Variants in GPR157 observed in about 807,000 individuals in gnomAD.
GPR157 encodes G protein-coupled receptor 157.
GPR157 carries 16 observed loss-of-function variants against 23.5 expected under a neutral mutation model. That is an observed-to-expected ratio of 0.68 (90% CI 0.46 to 1.04). The LOEUF is 1.04. Among genes scored for constraint, GPR157 ranks in the 50% least tolerant of loss-of-function variants. GPR157 has a pLI of 0.00. For synonymous variants in GPR157, 200 were observed against 221.5 expected (o/e 0.90, Z 0.86); for missense variants, 440 against 460.7 (o/e 0.96, Z 0.41).
chr1:9,123,571 T>TTAAAATATATATATTTAATA (rs1638884986), intron 1 of GPR157, among the ~76,000 whole-genome samples: 72 of 19,678 alleles, frequency 3.7e-3, no homozygotes, highest in Non-Finnish European at 4.4e-3. Flanking sequence ...TTAAATATAT[T>TTAAAATATATATATTTAATA]TTAAATATAT....
chr1:9,123,659 A>AAATATATATTT (rs1638893749), intron 1 of GPR157, among the ~76,000 whole-genome samples: 1 of 109,176 alleles, frequency 9.2e-6, no homozygotes, highest in South Asian at 2.6e-4. Flanking sequence ...AATATATATT[A>AAATATATATTT]AATATATATT....
At chr1:9,104,961 C>G (rs534200830) in intron 3 of GPR157, among the ~76,000 whole-genome samples, 45 of 151,512 alleles carry the variant, frequency 3.0e-4, no homozygotes, top group African/African-American at 1.1e-3. Context: ...GATCCCACCA[C>G]TGCACTCCAA....
rs762291667 is a variant in GPR157, at chr1:9,104,628, C to A, written c.799G>T (p.Gly267Trp). Residue 267 changes from glycine (G) to tryptophan (W), a missense_variant, in exon 4 of 4, where the codon GGG becomes TGG. Coordinates refer to ENST00000377411, the MANE Select transcript of GPR157 (RefSeq NM_024980.5). ...TTGGCACCTCCCTGAAACGTGTTCC[C>A]GATACCCTGTCGGGAGAAAAGGAGC... is the stretch of plus-strand genomic sequence containing the variant. ...TPVLVVLHGI[G>W]NTFQGGANCI... is the part of the protein sequence containing the mutation. 3 of 1,598,620 alleles carry A rather than the reference C, an allele frequency of 1.9e-6. No individual in the cohort carries two copies. The highest frequency in any genetic ancestry group is 2.3e-5 in the East Asian group (1 of 44,314).
intron 1 of GPR157, among the ~76,000 whole-genome samples, chr1:9,116,202 T>TATATTTATATTATATATTATATATATA (rs1553175052): frequency 6.4e-5 from 1 of 15,682 alleles, no homozygotes; most frequent in Non-Finnish European, 8.9e-5. Flanking sequence ...TATAATTATA[T>TATATTTATATTATATATTATATATATA]ATATAATTAT....
rs1186771127 is a variant in GPR157 at position 9,104,068 on chromosome 1, C to T, written c.*351G>A. The T allele has an allele frequency of 8.2e-6, 2 of 244,906 alleles. No individual in the cohort carries two copies. The highest frequency in any genetic ancestry group is 9.7e-5 in the Admixed American group (2 of 20,604). The allele number at this position is 244,906 out of a possible 1,614,324, so 15.2% of individuals were successfully genotyped here. A position where few individuals can be genotyped will look rare whatever the true frequency, so the allele number is the denominator to read the frequency against. ...AGAGGATAGGTGCACAGATGTGGGT[C>T]CCTCAGATTGTAAACAGTGCTGTGT... On this transcript the variant is annotated 3_prime_UTR_variant, in exon 4 of 4. Coordinates refer to ENST00000377411, the MANE Select transcript of GPR157 (RefSeq NM_024980.5).
intron 1 of GPR157, 127 bp from the exon 2 acceptor site, chr1:9,111,616 G>GGCCCTGGAAAATAAGAAGGGGTAGGTGTT (rs1638499417): frequency 2.9e-6 from 2 of 699,448 alleles, no homozygotes; most frequent in African/African-American, 3.6e-5. Context: ...ATGGCACAGT[G>GGCCCTGGAAAATAAGAAGGGGTAGGTGTT]GCCCTGGAAA....
At chr1:9,127,501 A>C (rs1337103033) in intron 1 of GPR157, among the ~76,000 whole-genome samples, 1 of 152,222 alleles carries the variant, frequency 6.6e-6, no homozygotes, top group Non-Finnish European at 1.5e-5. Context: ...GCTGCCGGGA[A>C]GGCAAGGCAA....
chr1:9,113,672 G>A (rs987200171), intron 1 of GPR157, among the ~76,000 whole-genome samples: 2 of 152,182 alleles, frequency 1.3e-5, no homozygotes, highest in East Asian at 1.9e-4. Context: ...GGCCAGGCGC[G>A]GTGGCTCATG....
At chr1:9,123,081 G>A (rs1170190650) in intron 1 of GPR157, among the ~76,000 whole-genome samples, 1 of 149,708 alleles carries the variant, frequency 6.7e-6, no homozygotes, top group African/African-American at 2.5e-5. Flanking sequence ...ACTTGAACAC[G>A]GGAGGTGGAG....
chr1:9,101,178 G>T lies in GPR157; in HGVS notation c.*3241C>A, dbSNP rs1642561698. ...TTCTCCTGCCTCAGCCTCCTGAGTAGCTGGCACTACAGGCACACGAAACCA... is the reference window on the plus strand; with the variant it reads ...TTCTCCTGCCTCAGCCTCCTGAGTATCTGGCACTACAGGCACACGAAACCA... On this transcript the variant is annotated 3_prime_UTR_variant, in exon 4 of 4. Coordinates refer to ENST00000377411, the MANE Select transcript of GPR157 (RefSeq NM_024980.5). 1 of 151,800 alleles carries T rather than the reference G, an allele frequency of 6.6e-6. No homozygotes were observed. The highest frequency in any genetic ancestry group is 1.5e-5 in the Non-Finnish European group (1 of 68,074). 9.4% of individuals were successfully genotyped at this position (151,800 alleles called of 1,614,324 possible). A position where few individuals can be genotyped will look rare whatever the true frequency, so the allele number is the denominator to read the frequency against.
chr1:9,123,982 C>T (rs919074056), intron 1 of GPR157, among the ~76,000 whole-genome samples: 1 of 151,424 alleles, frequency 6.6e-6, no homozygotes, highest in Admixed American at 6.6e-5. Flanking sequence ...CCGCACACCA[C>T]CACACTCGGC....
chr1:9,123,315 A>AT (rs1557700784), intron 1 of GPR157, among the ~76,000 whole-genome samples: 4 of 27,244 alleles, frequency 1.5e-4, no homozygotes, highest in African/African-American at 3.4e-4. Context: ...TTAAATATAT[A>AT]TTAAAATATA....
chr1:9,126,809 A>T (rs1247248996), intron 1 of GPR157, among the ~76,000 whole-genome samples: 2 of 152,250 alleles, frequency 1.3e-5, no homozygotes, highest in South Asian at 2.1e-4. Flanking sequence ...GGATACAGAT[A>T]ATTTTATTTT....
rs142301285 is a variant in GPR157 at position 9,105,505 on chromosome 1, G to A, written c.773C>T (p.Pro258Leu). 1.8e-4 allele frequency: 282 copies of A among 1,575,390 alleles called. 1 individual carries two copies. The African/African-American group carries it at 2.7e-3, about 15-fold the overall frequency. ...ACCTACATGCAGAACCACCAGCACC[G>A]GCGTCTGCACGGCCGGGGAGCCACA... ...TLCGSPAVQT[P>L]VLVVLHGIGN... The change falls in exon 3 of 4, where the codon CCG becomes CTG. Residue 258 changes from proline (P) to leucine (L), a missense_variant. Physicochemically the swap from Pro to Leu is moderately conservative, Grantham distance 98. Transcript: ENST00000377411. The surrounding 1 kb of genome is among the most constrained non-coding windows in gnomAD (Gnocchi z 4.8).
intron 2 of GPR157, among the ~76,000 whole-genome samples, chr1:9,106,556 G>A (rs1161632117): frequency 6.6e-6 from 1 of 152,230 alleles, no homozygotes; most frequent in Non-Finnish European, 1.5e-5. Context: ...GCTCCGCACT[G>A]GCTGCTCCCT....
rs3737667 is a variant in GPR157, at chr1:9,104,213, G to A, written c.*206C>T. ...TGAACGCCCACCCGTGGGCCAGGAC[G>A]CTGGTACCGGTGGAACTTGCTGCCT... On this transcript the variant is annotated 3_prime_UTR_variant, in exon 4 of 4. Transcript: ENST00000377411. The A allele has an allele frequency of 2.1e-4, 118 of 575,402 alleles. No individual in the cohort carries two copies. In the East Asian group the frequency reaches 3.1e-3, roughly 15 times the overall value. The allele number at this position is 575,402 out of a possible 1,614,324, so 35.6% of individuals were successfully genotyped here. A position where few individuals can be genotyped will look rare whatever the true frequency, so the allele number is the denominator to read the frequency against.
At chr1:9,116,158 A>ATTG (rs1266699622) in intron 1 of GPR157, among the ~76,000 whole-genome samples, 1 of 37,754 alleles carries the variant, frequency 2.6e-5, no homozygotes, top group African/African-American at 1.1e-4. Context: ...TATTATATAT[A>ATTG]TATATAATAT....
chr1:9,113,057 A>G (rs1024845445), intron 1 of GPR157, among the ~76,000 whole-genome samples: 1 of 152,200 alleles, frequency 6.6e-6, no homozygotes, highest in Non-Finnish European at 1.5e-5. Context: ...ACAGGGTGTC[A>G]TTGTCGGGTC....
Position 9,102,427 on chromosome 1 carries a change from A to AG in GPR157, c.*1991_*1992insC, listed in dbSNP as rs1569941626. On this transcript the variant is annotated 3_prime_UTR_variant, in exon 4 of 4. Coordinates refer to ENST00000377411, the MANE Select transcript of GPR157 (RefSeq NM_024980.5). ...CTCCATCTCAAAAAAAAAAAAAAAA[A>AG]AAAAGAAAGCGACAAAAAGAAATCC... is the stretch of plus-strand genomic sequence containing the variant. The AG allele has an allele frequency of 1.3e-5, 2 of 151,790 alleles. No homozygotes were observed. The highest frequency in any genetic ancestry group is 1.9e-4 in the East Asian group (1 of 5,170). The allele number at this position is 151,790 out of a possible 1,614,324, so 9.4% of individuals were successfully genotyped here.
Sources: allele counts gnomAD v4.1 joint callset (sites outside exome capture counted in the v4.1 genomes callset), GRCh38; gene constraint gnomAD v4.1.1; non-coding constraint Gnocchi (gnomAD v3.1); transcripts MANE v1.5; gene names NCBI Gene and HGNC (gene_info 2026-07-23, HGNC 2026-07-21).